GPC5: variants seen among roughly 807,000 people sequenced by gnomAD.
GPC5 encodes glypican-5.
A neutral mutation model predicts 53.9 loss-of-function variants in GPC5; 47 were observed. The ratio of observed to expected loss-of-function variants is 0.87; its 90% CI spans 0.69 to 1.11. The LOEUF is 1.11. Among genes scored for constraint, GPC5 ranks in the 50% most tolerant of loss-of-function variants. The pLI, the probability that GPC5 is intolerant of heterozygous loss-of-function variation, is 0.00. For synonymous variants in GPC5, 286 were observed against 263.3 expected, an observed-to-expected ratio of 1.09 and a Z score of -0.84; for missense variants, 748 against 713.1, an observed-to-expected ratio of 1.05 and a Z score of -0.56.
intron 2 of GPC5, among the ~76,000 whole-genome samples, chr13:91,598,045 AC>A (rs2033056678): frequency 6.6e-6 from 1 of 151,564 alleles, no homozygotes; most frequent in African/African-American, 2.4e-5. Context: ...AATTTCAGTA[AC>A]CCTCGAGTCT....
At chr13:92,765,629 G>A (rs779542974) in intron 7 of GPC5, among the ~76,000 whole-genome samples, 2 of 152,106 alleles carry the variant, frequency 1.3e-5, no homozygotes, top group Non-Finnish European at 2.9e-5. Context: ...CATTACCATC[G>A]CCTGGGACCT....
intron 2 of GPC5, among the ~76,000 whole-genome samples, chr13:91,669,637 T>A (rs1036498506): frequency 6.6e-6 from 1 of 152,132 alleles, no homozygotes; most frequent in Admixed American, 6.6e-5. Context: ...AAGAGGTATA[T>A]CAAAACTGAA....
At chr13:92,509,766 T>C (rs983631648) in intron 7 of GPC5, 13 of 152,138 alleles carry the variant, frequency 8.5e-5, no homozygotes, top group African/African-American at 2.2e-4. Context: ...CTTCATCTGT[T>C]GGGGGAAAAT....
intron 7 of GPC5, among the ~76,000 whole-genome samples, chr13:92,189,586 C>T (rs181554813): frequency 1.3e-5 from 2 of 152,078 alleles, no homozygotes; most frequent in East Asian, 3.9e-4. Context: ...TTTCCATACA[C>T]GTGCACACAC....
chr13:92,218,098 A>G (rs2042424024), intron 7 of GPC5, among the ~76,000 whole-genome samples: 1 of 151,574 alleles, frequency 6.6e-6, no homozygotes, highest in African/African-American at 2.4e-5. Context: ...TAATTTTTAA[A>G]AAAAAATTTA....
intron 7 of GPC5, among the ~76,000 whole-genome samples, chr13:92,584,536 T>A (rs1294088135): frequency 6.6e-6 from 1 of 152,066 alleles, no homozygotes; most frequent in East Asian, 1.9e-4. Flanking sequence ...AAGCAGAACA[T>A]AAAAGGTCAG....
intron 6 of GPC5, among the ~76,000 whole-genome samples, chr13:92,026,762 G>A (rs1419921414): frequency 2.6e-5 from 4 of 151,958 alleles, no homozygotes; most frequent in Non-Finnish European, 5.9e-5. Context: ...ACACTGTATT[G>A]GTGGCTAGAT....
At chr13:92,114,990 G>T (rs1265762491) in intron 6 of GPC5, among the ~76,000 whole-genome samples, 4 of 152,062 alleles carry the variant, frequency 2.6e-5, no homozygotes, top group African/African-American at 9.7e-5. Flanking sequence ...GTTTTATTCT[G>T]ATTCATTTCT....
At chr13:92,252,147 G>A (rs1329210892) in intron 7 of GPC5, among the ~76,000 whole-genome samples, 3 of 152,094 alleles carry the variant, frequency 2.0e-5, no homozygotes, top group Non-Finnish European at 4.4e-5. Flanking sequence ...AAGCATTAGT[G>A]ACACATGACT....
intron 2 of GPC5, among the ~76,000 whole-genome samples, chr13:91,545,833 T>G (rs2030252827): frequency 6.6e-6 from 1 of 152,102 alleles, no homozygotes; most frequent in Non-Finnish European, 1.5e-5. Context: ...TGTGTAAGAG[T>G]GCTGTAAAAT....
intron 7 of GPC5, among the ~76,000 whole-genome samples, chr13:92,558,778 A>G (rs1882591259): frequency 6.6e-6 from 1 of 152,106 alleles, no homozygotes; most frequent in South Asian, 2.1e-4. Flanking sequence ...ACATATAGTA[A>G]TAGAAAAAAA....
At chr13:92,738,910 T>C (rs1889013831) in intron 7 of GPC5, among the ~76,000 whole-genome samples, 1 of 152,120 alleles carries the variant, frequency 6.6e-6, no homozygotes, top group African/African-American at 2.4e-5. Flanking sequence ...ATAGAATTTT[T>C]AAAACTCATT....
rs1290469601 is a variant in GPC5 at position 92,867,230 on chromosome 13, T to TG, written c.*793dup. 1 of 151,510 alleles carries TG rather than the reference T, an allele frequency of 6.6e-6. No homozygotes were observed. The highest frequency in any genetic ancestry group is 1.5e-5 in the Non-Finnish European group (1 of 67,978). 9.4% of individuals were successfully genotyped at this position (151,510 alleles called of 1,614,324 possible). ...TCCAATAAAGCTGTTAACTATTTGG[T>TG]GGAAAAATTTGAAGAATATTTGTCA... On this transcript the variant is annotated 3_prime_UTR_variant, in exon 8 of 8. Coordinates refer to ENST00000377067, the MANE Select transcript of GPC5 (RefSeq NM_004466.6).
At chr13:91,890,061 A>C (rs1431586707) in intron 5 of GPC5, among the ~76,000 whole-genome samples, 2 of 152,190 alleles carry the variant, frequency 1.3e-5, no homozygotes, top group African/African-American at 4.8e-5. Flanking sequence ...TATTCAAAGA[A>C]AAAATGTGGA....
intron 2 of GPC5, among the ~76,000 whole-genome samples, chr13:91,572,364 G>C (rs1398731905): frequency 6.6e-6 from 1 of 151,676 alleles, no homozygotes. Flanking sequence ...TTCGTTTTGT[G>C]TTGTTACAAG....
At chr13:92,248,142 A>G (rs1159273939) in intron 7 of GPC5, among the ~76,000 whole-genome samples, 1 of 151,994 alleles carries the variant, frequency 6.6e-6, no homozygotes, top group Non-Finnish European at 1.5e-5. Flanking sequence ...AGATCTGTAG[A>G]TGAATACTGT....
chr13:91,698,706 T>C lies in GPC5; in HGVS notation c.1020+4825T>C, dbSNP rs948169440. Among the ~76,000 whole-genome samples the C allele has an allele frequency of 9.8e-5, 15 of 152,328 alleles. No individual in the cohort carries two copies. The Middle Eastern group carries it at 0.01, about 104-fold the overall frequency. The stretch of plus-strand genomic sequence containing the variant: ...AATGCCATTGCAATTTTAGATATTT[T>C]AAATTTAGATATTAAATGCAATACA... On this transcript the variant is annotated intron_variant, in intron 3 of 7. Coordinates refer to ENST00000377067, the MANE Select transcript of GPC5 (RefSeq NM_004466.6).
intron 7 of GPC5, among the ~76,000 whole-genome samples, chr13:92,656,147 C>T (rs1191496560): frequency 3.3e-5 from 5 of 152,050 alleles, no homozygotes; most frequent in Admixed American, 6.5e-5. Flanking sequence ...TGGGAAGCAA[C>T]AGGATAAAAT....
At chr13:92,096,098 ATG>A (rs1458900416) in intron 6 of GPC5, among the ~76,000 whole-genome samples, 3 of 152,190 alleles carry the variant, frequency 2.0e-5, no homozygotes, top group African/African-American at 4.8e-5. Flanking sequence ...CAGTCACCAC[ATG>A]TCAGATGGGT....
Sources: allele counts gnomAD v4.1 joint callset (sites outside exome capture counted in the v4.1 genomes callset), GRCh38; gene constraint gnomAD v4.1.1; transcripts MANE v1.5; gene names NCBI Gene and HGNC (gene_info 2026-07-23, HGNC 2026-07-21).